KCNG3: variants seen among roughly 807,000 people sequenced by gnomAD.
KCNG3 encodes voltage-gated potassium channel regulatory subunit KCNG3.
KCNG3 carries 15 observed loss-of-function variants against 29.0 expected under a neutral mutation model. That is an observed-to-expected ratio of 0.52 (90% CI 0.35 to 0.80). KCNG3 has a LOEUF of 0.80. Ranked by LOEUF, KCNG3 falls within the 30% of genes least tolerant of loss-of-function variation. The probability of loss-of-function intolerance (pLI) is 0.01; values close to 1 mark genes in which losing one functional copy is unlikely to be tolerated. For synonymous variants in KCNG3, 322 were observed against 248.9 expected (o/e 1.29, Z -2.76); for missense variants, 512 against 605.7 (o/e 0.85, Z 1.62).
the KCNG3 span, among the ~76,000 whole-genome samples, chr2:42,412,853 C>T: frequency 6.6e-6 from 1 of 152,300 alleles, no homozygotes; most frequent in East Asian, 1.9e-4. Context: ...GTTTTCTTCC[C>T]TGCTGGCGTC....
Position 42,493,412 on chromosome 2 carries a change from G to T in KCNG3, c.90C>A (p.Phe30Leu). Residue 30 changes from phenylalanine to leucine, a missense_variant, in exon 1 of 2, where the codon TTC becomes TTA. Physicochemically the swap from Phe to Leu is conservative, Grantham distance 22 (BLOSUM62 0). Transcript: ENST00000306078. ...YSLSRELLKD[F>L]PLRRVSRLHG... ...GCAGCCGGCTCACGCGGCGCAGCGGGAAGTCCTTCAGCAGCTCCCGGGACA... is the reference window on the plus strand; with the variant it reads ...GCAGCCGGCTCACGCGGCGCAGCGGTAAGTCCTTCAGCAGCTCCCGGGACA... 1 of 1,514,680 alleles carries T rather than the reference G, an allele frequency of 6.6e-7. No individual in the cohort carries two copies. Among genetic ancestry groups the T allele is most frequent in the Non-Finnish European group, 8.8e-7 (1 of 1,134,116 alleles). The allele number at this position is 1,514,680 out of a possible 1,614,324, so 93.8% of individuals were successfully genotyped here. A position where few individuals can be genotyped will look rare whatever the true frequency, so the allele number is the denominator to read the frequency against.
chr2:42,408,125 T>C, the KCNG3 span, among the ~76,000 whole-genome samples: 8 of 152,160 alleles, frequency 5.3e-5, no homozygotes, highest in African/African-American at 1.4e-4. Context: ...TGAGCATGGG[T>C]GGGAAGCCAA....
chr2:42,483,511 C>T (rs530955829), intron 1 of KCNG3, among the ~76,000 whole-genome samples: 98 of 152,208 alleles, frequency 6.4e-4, no homozygotes, highest in Non-Finnish European at 1.2e-3. Context: ...GAATCAGAGC[C>T]CAGGGCGCCA....
intron 1 of KCNG3, among the ~76,000 whole-genome samples, chr2:42,473,086 C>T (rs897269721): frequency 1.9e-4 from 28 of 149,978 alleles, no homozygotes; most frequent in Non-Finnish European, 3.9e-4. Flanking sequence ...TTAGTAGAGA[C>T]GGGGTTTCAC....
At chr2:42,453,978 T>C (rs1345958108) in intron 1 of KCNG3, among the ~76,000 whole-genome samples, 1 of 152,066 alleles carries the variant, frequency 6.6e-6, no homozygotes, top group African/African-American at 2.4e-5. Flanking sequence ...GACAAAGGAT[T>C]TGAATAGATA....
Position 42,493,223 on chromosome 2 carries a change from G to A in KCNG3, c.279C>T (p.Ser93=). ...LRFAPRMCEL[S]FYNEMIYWGL... ...CCCAGTAGATCATCTCGTTGTAGAA[G>A]GAGAGCTCGCACATCCGCGGCGCGA... is the stretch of plus-strand genomic sequence containing the variant. The change falls in exon 1 of 2, where the codon TCC becomes TCT. Residue 93 remains serine (S), a synonymous_variant. Coordinates refer to ENST00000306078, the MANE Select transcript of KCNG3 (RefSeq NM_133329.6). 1 of 1,611,652 alleles carries A rather than the reference G, an allele frequency of 6.2e-7. No homozygotes were observed. Among genetic ancestry groups the A allele is most frequent in the Non-Finnish European group, 8.5e-7 (1 of 1,179,892 alleles).
Position 42,485,650 on chromosome 2 carries a change from G to A in KCNG3, c.665+7187C>T, listed in dbSNP as rs181452399. Among the ~76,000 whole-genome samples, 897 of 152,148 alleles carry A rather than the reference G, an allele frequency of 5.9e-3. 7 individuals are homozygous for A. Among genetic ancestry groups the A allele is most frequent in the Non-Finnish European group, 8.6e-3 (587 of 67,980 alleles). ...TTTTTAGCAGAGACGGGGTCTCACC[G>A]TGTTAGCCAGGATGGTCTCGATCTC... On this transcript the variant is annotated intron_variant, in intron 1 of 1. Transcript: ENST00000306078.
chr2:42,406,466 A>G, the KCNG3 span, among the ~76,000 whole-genome samples: 4 of 146,828 alleles, frequency 2.7e-5, no homozygotes, highest in African/African-American at 5.0e-5. Flanking sequence ...TGATCCACCC[A>G]CCTCGGCCTC....
At chr2:42,470,320 A>G in intron 1 of KCNG3, 1 of 288,318 alleles carries the variant, frequency 3.5e-6, no homozygotes. Context: ...AAAAAAATGT[A>G]CAGATTCTAT....
intron 1 of KCNG3, among the ~76,000 whole-genome samples, chr2:42,447,214 G>A (rs1409323435): frequency 6.6e-6 from 1 of 151,456 alleles, no homozygotes; most frequent in African/African-American, 2.4e-5. Context: ...GCTATTTGAT[G>A]TATGTACAAA....
intron 1 of KCNG3, among the ~76,000 whole-genome samples, chr2:42,479,259 A>T (rs1673519802): frequency 6.6e-6 from 1 of 152,206 alleles, no homozygotes; most frequent in Non-Finnish European, 1.5e-5. Context: ...CACTTACTAG[A>T]ACCCAGAAGT....
Position 42,444,430 on chromosome 2 carries a change from G to C in KCNG3, c.815C>G (p.Thr272Arg). The change falls in exon 2 of 2, where the codon ACA (threonine) becomes AGA (arginine). Residue 272 changes from threonine to arginine, a missense_variant. Around this residue, in one of 5 missense-constraint regions of KCNG3, gnomAD observed 173 missense variants for 262.4 expected, o/e 0.66. Coordinates refer to ENST00000306078, the MANE Select transcript of KCNG3 (RefSeq NM_133329.6). This position sits in a 1 kb window ranked among gnomAD's most constrained non-coding sequence, Gnocchi z 5.8. ...TTGAGAGTTCTCGCCTGTAAACACT[G>C]TCATCAACACAGAGATGTAATACGG... ...ITPYYISVLM[T>R]VFTGENSQLQ... 1.2e-6 allele frequency: 2 copies of C among 1,614,132 alleles called. No individual in the cohort carries two copies. Among genetic ancestry groups the C allele is most frequent in the Non-Finnish European group, 1.7e-6 (2 of 1,180,024 alleles).
chr2:42,445,073 TAAA>T (rs35392805), intron 1 of KCNG3, among the ~76,000 whole-genome samples: 5 of 136,326 alleles, frequency 3.7e-5, no homozygotes, highest in African/African-American at 1.1e-4. Context: ...TCTCAAAAAT[TAAA>T]AAAAAAAAAA....
chr2:42,405,221 A>G, the KCNG3 span, among the ~76,000 whole-genome samples: 8 of 152,186 alleles, frequency 5.3e-5, no homozygotes, highest in Non-Finnish European at 7.3e-5. Context: ...TCTACTATAC[A>G]TGCAGTTATG....
the KCNG3 span, among the ~76,000 whole-genome samples, chr2:42,396,711 C>T: frequency 6.6e-6 from 1 of 152,086 alleles, no homozygotes; most frequent in East Asian, 1.9e-4. Flanking sequence ...AGTTGGGGGT[C>T]ACAGAGCATG....
At chr2:42,409,699 C>CAAAAA in the KCNG3 span, among the ~76,000 whole-genome samples, 76 of 51,948 alleles carry the variant, frequency 1.5e-3, no homozygotes, top group East Asian at 9.4e-3. Flanking sequence ...GTGCCTGTCT[C>CAAAAA]AAAAAAAAAA....
chr2:42,448,692 A>C lies in KCNG3; in HGVS notation c.666-4113T>G, dbSNP rs1572842209. Among the ~76,000 whole-genome samples, 2 of 152,324 alleles carry C rather than the reference A, an allele frequency of 1.3e-5. 1 individual carries two copies. Among genetic ancestry groups the C allele is most frequent in the Admixed American group, 1.3e-4 (2 of 15,292 alleles). ...GATCAAAAATACAGTATTCGCAGGA[A>C]GTAAAACACGCTTATGGCCGGGAGC... On this transcript the variant is annotated intron_variant, in intron 1 of 1. Transcript: ENST00000306078.
the KCNG3 span, chr2:42,415,651 T>C: frequency 6.6e-6 from 1 of 152,230 alleles, no homozygotes; most frequent in Non-Finnish European, 1.5e-5. Flanking sequence ...TAGTCCAAAG[T>C]CTGACATAAA....
chr2:42,423,367 T>A, the KCNG3 span, among the ~76,000 whole-genome samples: 1 of 152,184 alleles, frequency 6.6e-6, no homozygotes, highest in South Asian at 2.1e-4. Flanking sequence ...CTGACTTAGG[T>A]CCTTCAGTGG....
Sources: allele counts gnomAD v4.1 joint callset (sites outside exome capture counted in the v4.1 genomes callset), GRCh38; gene constraint gnomAD v4.1.1; regional missense constraint gnomAD v4.1.1; non-coding constraint Gnocchi (gnomAD v3.1); transcripts MANE v1.5; gene names NCBI Gene and HGNC (gene_info 2026-07-23, HGNC 2026-07-21).